SND1: variants seen among roughly 807,000 people sequenced by gnomAD.
SND1 encodes the protein staphylococcal nuclease domain-containing protein 1.
SND1 carries 38 observed loss-of-function variants against 121.7 expected under a neutral mutation model. The observed-to-expected ratio is 0.31, with a 90% CI of 0.24 to 0.41. The LOEUF (loss-of-function observed/expected upper bound fraction) is 0.41. SND1 is among the 10% of genes least tolerant of loss of function. The pLI, the probability that SND1 is intolerant of heterozygous loss-of-function variation, is 1.00. For synonymous variants in SND1, 401 were observed against 447.4 expected (o/e 0.90, Z 1.31); for missense variants, 868 against 1,184.6 (o/e 0.73, Z 3.92).
intron 22 of SND1, 113 bp from the exon 23 acceptor site, chr7:128,091,724 A>G (rs1230103065): frequency 9.3e-7 from 1 of 1,074,256 alleles, no homozygotes. Flanking sequence ...GCTCCATTGG[A>G]CAGGCTTGAG....
intron 13 of SND1, among the ~76,000 whole-genome samples, chr7:127,893,845 G>C (rs1038245112): frequency 6.6e-6 from 1 of 151,928 alleles, no homozygotes; most frequent in Non-Finnish European, 1.5e-5. Flanking sequence ...TCCCCTGAAG[G>C]ACTCATTTTT....
intron 11 of SND1, among the ~76,000 whole-genome samples, chr7:127,807,994 G>A (rs982033346): frequency 6.6e-6 from 1 of 152,220 alleles, no homozygotes; most frequent in African/African-American, 2.4e-5. Context: ...GGGAAGAGGG[G>A]ATGACCTGGA....
Position 127,997,786 on chromosome 7 carries a change from T to C in SND1, c.1779+6730T>C, listed in dbSNP as rs748945891. 9.3e-6 allele frequency: 5 copies of C among 534,800 alleles called. No homozygotes were observed. The East Asian group carries it at 2.7e-4, about 29-fold the overall frequency. The allele number at this position is 534,800 out of a possible 1,614,324, so 33.1% of individuals were successfully genotyped here. ...TCACCATATATACCATTACATTTTGTTTCTCCCATCTCTCAGGTAGACTTA... is the reference window on the plus strand; with the variant it reads ...TCACCATATATACCATTACATTTTGCTTCTCCCATCTCTCAGGTAGACTTA... On this transcript the variant is annotated intron_variant, in intron 16 of 23. Coordinates refer to ENST00000354725, the MANE Select transcript of SND1 (RefSeq NM_014390.4).
At chr7:127,966,011 C>A (rs1436051321) in intron 15 of SND1, among the ~76,000 whole-genome samples, 1 of 113,736 alleles carries the variant, frequency 8.8e-6, no homozygotes, top group East Asian at 2.4e-4. Context: ...AGGAATGTAT[C>A]CATTTCTTCT....
At chr7:127,828,295 C>A (rs1360618262) in intron 11 of SND1, among the ~76,000 whole-genome samples, 1 of 152,046 alleles carries the variant, frequency 6.6e-6, no homozygotes, top group East Asian at 1.9e-4. Flanking sequence ...CTGCGCCCAG[C>A]CGCAAATTTC....
rs1799019818 is a variant in SND1 at position 127,844,368 on chromosome 7, A to G, written c.1287A>G (p.Thr429=). The G allele has an allele frequency of 6.2e-7, 1 of 1,613,580 alleles. No homozygotes were observed. The highest frequency in any genetic ancestry group is 8.5e-7 in the Non-Finnish European group (1 of 1,179,776). The change falls in exon 12 of 24, where the codon ACA becomes ACG. Residue 429 remains threonine (T), a synonymous_variant. Transcript: ENST00000354725. ...ACATTAGACCAGCCAGCCCAGCCAC[A>G]GAGACAGTGCCTGCCTTTTCAGAGC... The part of the protein sequence containing the change: ...VDYIRPASPA[T]ETVPAFSERT...
chr7:128,089,781 A>G, intron 22 of SND1, 89 bp downstream of exon 22: 1 of 1,143,582 alleles, frequency 8.7e-7, no homozygotes, highest in Non-Finnish European at 1.3e-6. Flanking sequence ...GGAGCAGGGA[A>G]TCCACCATCC....
intron 14 of SND1, among the ~76,000 whole-genome samples, chr7:127,914,138 A>G (rs1465705736): frequency 3.9e-5 from 6 of 152,180 alleles, no homozygotes; most frequent in East Asian, 1.9e-4. Context: ...GCTATTACCC[A>G]GATTTCTAAA....
intron 16 of SND1, among the ~76,000 whole-genome samples, chr7:128,057,678 C>G (rs533532945): frequency 6.6e-6 from 1 of 152,006 alleles, no homozygotes; most frequent in East Asian, 1.9e-4. Flanking sequence ...TGCCGAATCT[C>G]GCTAGTGTGG....
At chr7:127,918,655 T>G (rs1016444798) in intron 14 of SND1, among the ~76,000 whole-genome samples, 3 of 152,196 alleles carry the variant, frequency 2.0e-5, no homozygotes, top group African/African-American at 7.2e-5. Flanking sequence ...CAGATATTGT[T>G]GGATGAATGA....
intron 16 of SND1, among the ~76,000 whole-genome samples, chr7:128,059,788 A>G (rs1181721180): frequency 1.3e-5 from 2 of 152,202 alleles, no homozygotes; most frequent in Admixed American, 6.5e-5. Context: ...GTAGCCACAC[A>G]GAAGGTGCTG....
intron 16 of SND1, among the ~76,000 whole-genome samples, chr7:128,037,214 G>A (rs573589779): frequency 1.3e-5 from 2 of 152,188 alleles, no homozygotes; most frequent in African/African-American, 4.8e-5. Flanking sequence ...TCCAGAGGCC[G>A]TAGGGGAGAA....
intron 15 of SND1, among the ~76,000 whole-genome samples, chr7:127,949,407 T>G (rs1009186551): frequency 3.3e-5 from 5 of 152,232 alleles, no homozygotes; most frequent in African/African-American, 1.2e-4. Context: ...AGCTGGATTT[T>G]TATCTCTTAA....
intron 11 of SND1, among the ~76,000 whole-genome samples, chr7:127,828,137 C>T (rs1436878995): frequency 2.0e-5 from 3 of 152,062 alleles, no homozygotes; most frequent in Non-Finnish European, 4.4e-5. Flanking sequence ...GCTGGGATTA[C>T]AGGCGCCCAC....
At chr7:127,895,100 A>G (rs547329211) in intron 13 of SND1, among the ~76,000 whole-genome samples, 9 of 152,030 alleles carry the variant, frequency 5.9e-5, no homozygotes, top group African/African-American at 1.9e-4. Context: ...GTGAGAGTAT[A>G]TTCCTGAAAT....
intron 10 of SND1, among the ~76,000 whole-genome samples, chr7:127,774,417 C>T (rs1388343792): frequency 1.3e-5 from 2 of 152,112 alleles, no homozygotes; most frequent in Non-Finnish European, 2.9e-5. Flanking sequence ...CTTAAGTGTA[C>T]AGTGTTTATA....
intron 14 of SND1, among the ~76,000 whole-genome samples, chr7:127,917,464 A>G (rs1800608135): frequency 1.3e-5 from 2 of 152,114 alleles, no homozygotes; most frequent in African/African-American, 4.8e-5. Context: ...TTTTATTCTC[A>G]CATCATATTA....
chr7:127,721,186 T>C (rs1358054005), intron 9 of SND1, 101 bp from the exon 10 acceptor site: 1 of 685,728 alleles, frequency 1.5e-6, no homozygotes, highest in East Asian at 2.8e-5. Context: ...CACAAATGGC[T>C]ATTGATCTCA....
At chr7:127,671,641 G>A (rs1795519741) in intron 1 of SND1, among the ~76,000 whole-genome samples, 1 of 152,186 alleles carries the variant, frequency 6.6e-6, no homozygotes, top group South Asian at 2.1e-4. Context: ...CTCCCGAGTA[G>A]CTGAAACTAT....
Sources: gnomAD v4.1 joint callset for allele counts (sites outside exome capture counted in the v4.1 genomes callset) on GRCh38, gnomAD v4.1.1 for gene constraint, MANE v1.5 for transcripts, NCBI Gene and HGNC (gene_info 2026-07-23, HGNC 2026-07-21) for gene names.